VAT1L: variants seen among roughly 807,000 people sequenced by gnomAD.
VAT1L encodes the protein vesicle amine transport 1 like.
A neutral mutation model predicts 44.1 loss-of-function variants in VAT1L; 34 were observed. The observed-to-expected ratio is 0.77, with a 90% confidence interval of 0.59 to 1.03. The LOEUF (loss-of-function observed/expected upper bound fraction) is 1.03, where lower values mean the gene tolerates loss of function less well. Ranked by LOEUF, VAT1L falls within the 50% of genes least tolerant of loss-of-function variation. The pLI is 0.00. For missense variants in VAT1L, 615 were observed against 538.8 expected (o/e 1.14, Z -1.40); for synonymous variants, 253 against 202.2 (o/e 1.25, Z -2.13).
At chr16:77,872,345 A>C (rs1022406817) in intron 4 of VAT1L, among the ~76,000 whole-genome samples, 3 of 152,152 alleles carry the variant, frequency 2.0e-5, no homozygotes, top group Non-Finnish European at 2.9e-5. Context: ...TTGGTGTCCC[A>C]AAGCCTTCTC....
intron 1 of VAT1L, among the ~76,000 whole-genome samples, chr16:77,813,727 G>T (rs530926798): frequency 1.3e-5 from 2 of 151,940 alleles, no homozygotes; most frequent in Admixed American, 1.3e-4. Flanking sequence ...TTGCTAAGTC[G>T]TTCTCTTGAT....
intron 1 of VAT1L, 41 bp from the exon 2 acceptor site, chr16:77,816,880 C>T: frequency 6.5e-7 from 1 of 1,547,522 alleles, no homozygotes; most frequent in South Asian, 1.2e-5. Context: ...TCTTTTGGAT[C>T]TCATTTTGAA....
intron 5 of VAT1L, among the ~76,000 whole-genome samples, chr16:77,877,540 A>AAAAAC (rs2017102337): frequency 7.1e-6 from 1 of 140,944 alleles, no homozygotes; most frequent in African/African-American, 2.7e-5. Flanking sequence ...AAAAAAAAAA[A>AAAAAC]AAACCACATT....
chr16:77,844,059 G>C (rs2016733452), intron 3 of VAT1L, among the ~76,000 whole-genome samples: 3 of 152,208 alleles, frequency 2.0e-5, no homozygotes, highest in African/African-American at 7.2e-5. Flanking sequence ...ATCTGTAAGG[G>C]AGAAAGGCAC....
At chr16:77,859,094 T>C (rs1353721892) in intron 3 of VAT1L, among the ~76,000 whole-genome samples, 2 of 150,912 alleles carry the variant, frequency 1.3e-5, no homozygotes, top group Non-Finnish European at 2.9e-5. Context: ...AAGATCGTGC[T>C]GCTGCATTTC....
At chr16:77,947,504 C>T (rs1360219537) in intron 7 of VAT1L, among the ~76,000 whole-genome samples, 1 of 152,128 alleles carries the variant, frequency 6.6e-6, no homozygotes, top group Admixed American at 6.5e-5. Flanking sequence ...CATCCAGGGC[C>T]CACTGGCCAA....
intron 7 of VAT1L, among the ~76,000 whole-genome samples, chr16:77,885,925 C>A (rs1230455824): frequency 6.6e-6 from 1 of 152,132 alleles, no homozygotes; most frequent in Non-Finnish European, 1.5e-5. Context: ...GTGCCTATAT[C>A]TCTCTCTAAT....
At chr16:77,900,227 G>A (rs1240299893) in intron 7 of VAT1L, among the ~76,000 whole-genome samples, 3 of 152,160 alleles carry the variant, frequency 2.0e-5, no homozygotes, top group Non-Finnish European at 2.9e-5. Context: ...GGGAATCCAA[G>A]CCACATTCCT....
intron 3 of VAT1L, among the ~76,000 whole-genome samples, chr16:77,837,942 A>G (rs1256924279): frequency 6.6e-6 from 1 of 152,200 alleles, no homozygotes; most frequent in African/African-American, 2.4e-5. Flanking sequence ...TGGCATTTAC[A>G]GCCAGAAGCA....
intron 4 of VAT1L, among the ~76,000 whole-genome samples, chr16:77,867,028 G>A (rs74027234): frequency 1.2e-3 from 178 of 152,260 alleles, no homozygotes; most frequent in African/African-American, 4.2e-3. Context: ...TAATAGCCAC[G>A]CTTTGTTGCT....
Position 77,788,567 on chromosome 16 carries a change from G to C in VAT1L, c.-116G>C, listed in dbSNP as rs2015768108. 8.2e-7 allele frequency: 1 copy of C among 1,222,070 alleles called. No homozygotes were observed. The highest frequency in any genetic ancestry group is 1.5e-5 in the African/African-American group (1 of 64,896). 75.7% of individuals were successfully genotyped at this position (1,222,070 alleles called of 1,614,324 possible). ...GGCGCTCGCAGAGGCTGCAGCCATT[G>C]CACAGCCGAGCATCCCACATTCAAC... On this transcript the variant is annotated 5_prime_UTR_variant, in exon 1 of 9. Coordinates refer to ENST00000302536, the MANE Select transcript of VAT1L (RefSeq NM_020927.3).
chr16:77,935,353 G>T lies in VAT1L; in HGVS notation c.1078-36497G>T, dbSNP rs115237517. ...AAATAAATTGGTAGTGCGGGTAAGA[G>T]AACTCATATTGTAGAGAATTACAAC... On this transcript the variant is annotated intron_variant, in intron 7 of 8. Coordinates refer to ENST00000302536, the MANE Select transcript of VAT1L (RefSeq NM_020927.3). 8.9e-3 allele frequency among the ~76,000 whole-genome samples: 1,350 copies of T among 152,188 alleles called. 32 individuals carry two copies. The highest frequency in any genetic ancestry group is 0.031 in the African/African-American group (1,284 of 41,508).
At chr16:77,942,953 C>T (rs1435029717) in intron 7 of VAT1L, among the ~76,000 whole-genome samples, 1 of 151,460 alleles carries the variant, frequency 6.6e-6, no homozygotes, top group African/African-American at 2.4e-5. Context: ...TCATGTTGTT[C>T]AGGCTGGTTT....
At chr16:77,835,559 TG>T (rs1423204557) in intron 3 of VAT1L, among the ~76,000 whole-genome samples, 2 of 152,150 alleles carry the variant, frequency 1.3e-5, no homozygotes. Context: ...AGTCAAGTAC[TG>T]TGTACTAGAC....
chr16:77,945,345 GAT>G (rs1298488550), intron 7 of VAT1L, among the ~76,000 whole-genome samples: 1 of 138,074 alleles, frequency 7.2e-6, no homozygotes, highest in Non-Finnish European at 1.5e-5. Context: ...GGAGTACAGT[GAT>G]GCAGTCATAG....
intron 7 of VAT1L, among the ~76,000 whole-genome samples, chr16:77,947,194 G>A (rs1195289693): frequency 2.0e-5 from 3 of 152,222 alleles, no homozygotes; most frequent in Non-Finnish European, 4.4e-5. Flanking sequence ...CTGACGGAAG[G>A]AACATAAGGA....
chr16:77,890,428 G>C (rs935395689), intron 7 of VAT1L, among the ~76,000 whole-genome samples: 1 of 152,104 alleles, frequency 6.6e-6, no homozygotes, highest in African/African-American at 2.4e-5. Context: ...TGCTGTTGGA[G>C]AGTATGGGGC....
At chr16:77,943,191 G>A (rs2017911880) in intron 7 of VAT1L, among the ~76,000 whole-genome samples, 1 of 150,820 alleles carries the variant, frequency 6.6e-6, no homozygotes, top group South Asian at 2.1e-4. Flanking sequence ...TGAGTAGCTG[G>A]GATTACAGGC....
At chr16:77,943,093 G>A (rs1489503838) in intron 7 of VAT1L, among the ~76,000 whole-genome samples, 3 of 150,656 alleles carry the variant, frequency 2.0e-5, no homozygotes, top group African/African-American at 7.3e-5. Flanking sequence ...GTCTGCCTCT[G>A]TCGCCCAGGC....
Sources: gnomAD v4.1 joint callset for allele counts (sites outside exome capture counted in the v4.1 genomes callset) on GRCh38, gnomAD v4.1.1 for gene constraint, MANE v1.5 for transcripts, NCBI Gene and HGNC (gene_info 2026-07-23, HGNC 2026-07-21) for gene names.